The following ABL2 variants were observed in gnomAD, a reference collection of about 807,000 sequenced individuals.
ABL2 encodes the protein ABL proto-oncogene 2, non-receptor tyrosine kinase.
In ABL2, 49 loss-of-function variants were observed where a neutral mutation model predicts 107.7. The ratio of observed to expected loss-of-function variants is 0.45; its 90% confidence interval spans 0.36 to 0.58. The LOEUF is 0.58. ABL2 is among the 20% of genes least tolerant of loss of function. The probability of loss-of-function intolerance (pLI) is 0.00; values close to 1 mark genes in which losing one functional copy is unlikely to be tolerated. For missense variants in ABL2, 1,245 were observed against 1,457.0 expected, an observed-to-expected ratio of 0.85 and a Z score of 2.37; for synonymous variants, 549 against 548.6, an observed-to-expected ratio of 1.00 and a Z score of -0.01.
intron 1 of ABL2, among the ~76,000 whole-genome samples, chr1:179,171,249 A>G (rs1467242690): frequency 6.6e-6 from 1 of 152,154 alleles, no homozygotes; most frequent in African/African-American, 2.4e-5. Flanking sequence ...ACCTATTAAT[A>G]ACAATATGCC....
At chr1:179,189,738 C>G (rs1660890453) in intron 1 of ABL2, among the ~76,000 whole-genome samples, 1 of 152,146 alleles carries the variant, frequency 6.6e-6, no homozygotes. Flanking sequence ...ACCAAGCAAG[C>G]AGTGCACAAG....
chr1:179,180,090 A>G (rs1016410133), intron 1 of ABL2, among the ~76,000 whole-genome samples: 3 of 151,712 alleles, frequency 2.0e-5, no homozygotes, highest in African/African-American at 7.3e-5. Flanking sequence ...ACTGCACTCC[A>G]GCCTGGGTGA....
rs1030858073 is a variant in ABL2, at chr1:179,126,796, T to C, written c.392-124A>G. The C allele has an allele frequency of 1.2e-6, 1 of 850,176 alleles. No homozygotes were observed. The allele number at this position is 850,176 out of a possible 1,614,324, so 52.7% of individuals were successfully genotyped here. A position where few individuals can be genotyped will look rare whatever the true frequency, so the allele number is the denominator to read the frequency against. ...AAGAATCTAGAACTTTTATGCCAAA[T>C]TTTTTTTTTAAATAATGAAAACAAA... On this transcript the variant is annotated intron_variant, in intron 3 of 11. Transcript: ENST00000502732. This position sits in a 1 kb window ranked among gnomAD's most constrained non-coding sequence, Gnocchi z 4.4.
chr1:179,224,210 T>C (rs1485089290), intron 1 of ABL2, among the ~76,000 whole-genome samples: 1 of 145,844 alleles, frequency 6.9e-6, no homozygotes, highest in Non-Finnish European at 1.5e-5. Flanking sequence ...CTTAAAATAA[T>C]GAGTTTGATT....
Position 179,107,730 on chromosome 1 carries a change from C to G in ABL2, c.3537G>C (p.Val1179=), listed in dbSNP as rs764908694. ...LLSCVQEISD[V]VQR ...AGGCTAACAGTGGCTACCTCTGCAC[C>G]ACATCACTGATTTCCTGTACACATG... Residue 1179 remains valine, a synonymous_variant, in exon 12 of 12, where the codon GTG becomes GTC. Coordinates refer to ENST00000502732, the MANE Select transcript of ABL2 (RefSeq NM_007314.4). 3 of 1,608,376 alleles carry G rather than the reference C, an allele frequency of 1.9e-6. No individual in the cohort carries two copies. Among genetic ancestry groups the G allele is most frequent in the Non-Finnish European group, 2.6e-6 (3 of 1,176,040 alleles).
chr1:179,122,273 CT>C (rs1043134832), intron 4 of ABL2, among the ~76,000 whole-genome samples: 2 of 86,732 alleles, frequency 2.3e-5, no homozygotes, highest in African/African-American at 1.0e-4. Flanking sequence ...AGAAGGCTAT[CT>C]TTAAAAAAAA....
chr1:179,200,765 C>T (rs1373971937), intron 1 of ABL2, among the ~76,000 whole-genome samples: 2 of 152,156 alleles, frequency 1.3e-5, no homozygotes, highest in African/African-American at 2.4e-5. Flanking sequence ...GTACTCATGG[C>T]CGTGCTTTAT....
chr1:179,127,984 G>A (rs1393779762), intron 3 of ABL2, among the ~76,000 whole-genome samples: 5 of 149,086 alleles, frequency 3.4e-5, no homozygotes, highest in Admixed American at 6.7e-5. Context: ...GCAGTGAGCC[G>A]AGATTGCACC....
intron 4 of ABL2, 40 bp from the exon 5 acceptor site, chr1:179,121,907 G>C (rs766636274): frequency 3.0e-6 from 2 of 663,484 alleles, no homozygotes; most frequent in Non-Finnish European, 4.8e-6. Flanking sequence ...CTTGAAAAGA[G>C]ATTAAGAATT....
At chr1:179,198,249 A>G (rs1661438181) in intron 1 of ABL2, among the ~76,000 whole-genome samples, 1 of 152,002 alleles carries the variant, frequency 6.6e-6, no homozygotes, top group African/African-American at 2.4e-5. Flanking sequence ...AAGGAAGGAA[A>G]GGTAAAGAGG....
chr1:179,204,709 T>TGCACTCCAGCCTGGGTGA (rs1661857103), intron 1 of ABL2, among the ~76,000 whole-genome samples: 1 of 152,048 alleles, frequency 6.6e-6, no homozygotes, highest in African/African-American at 2.4e-5. Flanking sequence ...ATCACGCCAC[T>TGCACTCCAGCCTGGGTGA]GCACTCCAGC....
At chr1:179,156,204 C>T (rs1270596859) in intron 1 of ABL2, among the ~76,000 whole-genome samples, 1 of 152,196 alleles carries the variant, frequency 6.6e-6, no homozygotes, top group Non-Finnish European at 1.5e-5. Flanking sequence ...TGTATATACA[C>T]TCCCTACATA....
chr1:179,229,667 A>G lies in ABL2; in HGVS notation c.-270T>C. ...CGCCGCCGCCGCCACCGCCGCCGCC[A>G]TCTTTAAACCACCGAGCGCTGGGAA... On this transcript the variant is annotated 5_prime_UTR_variant, in exon 1 of 12. An upstream start codon of the reference 5' UTR is lost. Transcript: ENST00000502732. 1.2e-5 allele frequency: 5 copies of G among 432,344 alleles called. No homozygotes were observed. Among genetic ancestry groups the G allele is most frequent in the African/African-American group, 4.8e-5 (2 of 41,656 alleles). 26.8% of individuals were successfully genotyped at this position (432,344 alleles called of 1,614,324 possible).
At chr1:179,164,028 G>T (rs1363866947) in intron 1 of ABL2, among the ~76,000 whole-genome samples, 1 of 152,170 alleles carries the variant, frequency 6.6e-6, no homozygotes, top group Non-Finnish European at 1.5e-5. Flanking sequence ...CACATCAGTG[G>T]CTGCCAGGGA....
intron 1 of ABL2, chr1:179,221,889 G>T (rs1662887669): frequency 8.6e-6 from 2 of 233,238 alleles, no homozygotes; most frequent in South Asian, 1.6e-4. Flanking sequence ...CCAAAGATTT[G>T]GTGCCAAGGA....
chr1:179,207,336 A>G (rs538367603), intron 1 of ABL2, among the ~76,000 whole-genome samples: 84 of 152,264 alleles, frequency 5.5e-4, no homozygotes, highest in African/African-American at 1.7e-3. Context: ...CATTAAAACG[A>G]CAACTATACA....
chr1:179,229,188 A>AGCCCCCC, intron 1 of ABL2, 53 bp downstream of exon 1: 1 of 125,704 alleles, frequency 8.0e-6, no homozygotes. Flanking sequence ...CCCCGCCCCG[A>AGCCCCCC]CCCCACCCCC....
At chr1:179,213,215 TATTC>T (rs946191133) in intron 1 of ABL2, among the ~76,000 whole-genome samples, 1 of 152,208 alleles carries the variant, frequency 6.6e-6, no homozygotes, top group Non-Finnish European at 1.5e-5. Flanking sequence ...CAGTACTTTA[TATTC>T]ATTTTTTCCA....
At chr1:179,149,860 T>C (rs1658258293) in intron 1 of ABL2, among the ~76,000 whole-genome samples, 3 of 152,216 alleles carry the variant, frequency 2.0e-5, no homozygotes, top group Admixed American at 6.5e-5. Flanking sequence ...TAATGATATG[T>C]TGTTTTCATG....
Sources: gnomAD v4.1 joint callset for allele counts (sites outside exome capture counted in the v4.1 genomes callset) on GRCh38, gnomAD v4.1.1 for gene constraint, Gnocchi (gnomAD v3.1) non-coding constraint, MANE v1.5 for transcripts, NCBI Gene and HGNC (gene_info 2026-07-23, HGNC 2026-07-21) for gene names.